Variants in TSPAN5 observed in about 807,000 individuals in gnomAD.
The protein encoded by TSPAN5 is tetraspanin-5.
TSPAN5 carries 10 observed loss-of-function variants against 37.1 expected under a neutral mutation model. That is an observed-to-expected ratio of 0.27 (90% CI 0.17 to 0.46). The LOEUF is 0.46. TSPAN5 is among the 20% of genes least tolerant of loss of function. TSPAN5 has a pLI of 1.00. For synonymous variants in TSPAN5, 110 were observed against 118.9 expected, an observed-to-expected ratio of 0.93 and a Z score of 0.48; for missense variants, 195 against 326.6, an observed-to-expected ratio of 0.60 and a Z score of 3.11.
intron 3 of TSPAN5, chr4:98,486,462 A>C: frequency 2.6e-6 from 1 of 379,412 alleles, no homozygotes; most frequent in Non-Finnish European, 4.8e-6. Context: ...CCTTAGTCCT[A>C]AAGATATCTT....
chr4:98,506,465 G>T (rs539242732), intron 2 of TSPAN5, among the ~76,000 whole-genome samples: 1 of 152,310 alleles, frequency 6.6e-6, no homozygotes, highest in South Asian at 2.1e-4. Flanking sequence ...TTCTGTAGAA[G>T]AATTTTGTAA....
At chr4:98,505,675 A>T (rs1015371338) in intron 2 of TSPAN5, among the ~76,000 whole-genome samples, 2 of 152,200 alleles carry the variant, frequency 1.3e-5, no homozygotes, top group African/African-American at 4.8e-5. Context: ...ACCCACCAGA[A>T]TGCAAGCTCC....
intron 2 of TSPAN5, among the ~76,000 whole-genome samples, chr4:98,493,498 G>C (rs1753130369): frequency 6.6e-6 from 1 of 152,200 alleles, no homozygotes; most frequent in Non-Finnish European, 1.5e-5. Context: ...ATGAAAGTGA[G>C]ATTCTGAACA....
chr4:98,590,868 T>C (rs1390845489), intron 1 of TSPAN5, among the ~76,000 whole-genome samples: 1 of 152,122 alleles, frequency 6.6e-6, no homozygotes, highest in Non-Finnish European at 1.5e-5. Flanking sequence ...TTTAGCCTAA[T>C]TACCAGCATT....
At chr4:98,568,523 C>CA (rs1194950773) in intron 1 of TSPAN5, among the ~76,000 whole-genome samples, 2 of 152,050 alleles carry the variant, frequency 1.3e-5, no homozygotes, top group Non-Finnish European at 2.9e-5. Context: ...GCCTGGGCGA[C>CA]AGTCCCCCAC....
At chr4:98,560,334 T>G (rs757340334) in intron 1 of TSPAN5, 1 of 152,240 alleles carries the variant, frequency 6.6e-6, no homozygotes, top group Non-Finnish European at 1.5e-5. Context: ...ATATTTCACT[T>G]AGATTATCAT....
chr4:98,574,362 C>T (rs1041389147), intron 1 of TSPAN5: 13 of 152,196 alleles, frequency 8.5e-5, no homozygotes, highest in Admixed American at 6.5e-4. Context: ...GAGCACTTAC[C>T]TTTCTCACGT....
intron 1 of TSPAN5, among the ~76,000 whole-genome samples, chr4:98,565,187 C>T (rs1754975033): frequency 6.6e-6 from 1 of 152,116 alleles, no homozygotes; most frequent in Non-Finnish European, 1.5e-5. Flanking sequence ...AGATAGAGGG[C>T]ATTTTTCCTT....
chr4:98,635,782 G>A (rs894249721), intron 1 of TSPAN5, among the ~76,000 whole-genome samples: 14 of 152,142 alleles, frequency 9.2e-5, no homozygotes, highest in African/African-American at 3.4e-4. Flanking sequence ...CACCTGGCCA[G>A]AAGAAAATTA....
At chr4:98,538,622 A>C (rs1198874731) in intron 1 of TSPAN5, among the ~76,000 whole-genome samples, 1 of 152,214 alleles carries the variant, frequency 6.6e-6, no homozygotes, top group African/African-American at 2.4e-5. Context: ...TGGTACATAC[A>C]CACTATTCAG....
chr4:98,540,025 G>A (rs1754322561), intron 1 of TSPAN5, among the ~76,000 whole-genome samples: 1 of 145,510 alleles, frequency 6.9e-6, no homozygotes, highest in South Asian at 2.2e-4. Flanking sequence ...AAAGCTCCAG[G>A]TGACTAGAGC....
intron 1 of TSPAN5, among the ~76,000 whole-genome samples, chr4:98,590,817 A>G (rs909314359): frequency 2.0e-5 from 3 of 152,102 alleles, no homozygotes; most frequent in Non-Finnish European, 4.4e-5. Context: ...AGACTAGTCT[A>G]TTATCAGCTC....
At chr4:98,515,342 ACT>A (rs1374359188) in intron 1 of TSPAN5, among the ~76,000 whole-genome samples, 2 of 152,182 alleles carry the variant, frequency 1.3e-5, no homozygotes, top group Non-Finnish European at 2.9e-5. Flanking sequence ...CCACGTGAGC[ACT>A]GAGTGCTTGG....
chr4:98,505,926 C>T (rs948813599), intron 2 of TSPAN5, among the ~76,000 whole-genome samples: 1 of 152,206 alleles, frequency 6.6e-6, no homozygotes, highest in African/African-American at 2.4e-5. Context: ...ACTGCTATTT[C>T]ATCCCTCCCT....
intron 1 of TSPAN5, among the ~76,000 whole-genome samples, chr4:98,648,978 G>A (rs1757125628): frequency 6.6e-6 from 1 of 152,126 alleles, no homozygotes; most frequent in African/African-American, 2.4e-5. Flanking sequence ...TGCATAAAGG[G>A]GTGAAATATC....
chr4:98,514,222 G>A lies in TSPAN5; in HGVS notation c.82-6494C>T, dbSNP rs560910714. 2.0e-5 allele frequency among the ~76,000 whole-genome samples: 3 copies of A among 152,294 alleles called. No individual in the cohort carries two copies. In the South Asian group the frequency reaches 6.2e-4, roughly 32 times the overall value. On this transcript the variant is annotated intron_variant, in intron 1 of 7. Transcript: ENST00000305798. ...ATTTAAAAATTTAGCATAGAAGGGA[G>A]GCAAGGGGAGAAGTGCCATTAGGAA...
In TSPAN5 at chr4:98,513,346, G is replaced by A. The variant is rs150759291; in HGVS notation, c.82-5618C>T. Among the ~76,000 whole-genome samples, 13 of 152,250 alleles carry A rather than the reference G, an allele frequency of 8.5e-5. No individual in the cohort carries two copies. The East Asian group carries it at 2.5e-3, about 29-fold the overall frequency. On this transcript the variant is annotated intron_variant, in intron 1 of 7. Coordinates refer to ENST00000305798, the MANE Select transcript of TSPAN5 (RefSeq NM_005723.4). ...ATGTGTGGTGAGCAGGGGTGGGGTAGGCAGGCAGGTCTTTGCAGATCTGGG... is the reference window on the plus strand; with the variant it reads ...ATGTGTGGTGAGCAGGGGTGGGGTAAGCAGGCAGGTCTTTGCAGATCTGGG...
At chr4:98,590,881 GATAACCATCC>G (rs1560550025) in intron 1 of TSPAN5, among the ~76,000 whole-genome samples, 1 of 152,016 alleles carries the variant, frequency 6.6e-6, no homozygotes, top group Non-Finnish European at 1.5e-5. Context: ...CCAGCATTAA[GATAACCATCC>G]ATCCACACAG....
chr4:98,656,635 T>C (rs1037677479), intron 1 of TSPAN5, among the ~76,000 whole-genome samples: 1 of 152,174 alleles, frequency 6.6e-6, no homozygotes, highest in Non-Finnish European at 1.5e-5. Flanking sequence ...TGCACAACAC[T>C]GGCAAAAAAC....
Sources: gnomAD v4.1 joint callset for allele counts (sites outside exome capture counted in the v4.1 genomes callset) on GRCh38, gnomAD v4.1.1 for gene constraint, MANE v1.5 for transcripts, NCBI Gene and HGNC (gene_info 2026-07-23, HGNC 2026-07-21) for gene names.